The following STC2 variants were observed in gnomAD, a reference collection of about 807,000 sequenced individuals.
The protein encoded by STC2 is stanniocalcin 2, also known as stanniocalcin-2.
Under a neutral mutation model 22.7 loss-of-function variants are expected in STC2, and 7 were observed. The observed-to-expected ratio is 0.31, with a 90% confidence interval of 0.18 to 0.58. The LOEUF (loss-of-function observed/expected upper bound fraction) is 0.58, where lower values mean the gene tolerates loss of function less well. Among genes scored for constraint, STC2 ranks in the 20% least tolerant of loss-of-function variants. STC2 has a pLI of 0.89. For synonymous variants in STC2, 158 were observed against 163.4 expected (o/e 0.97, Z 0.25); for missense variants, 336 against 406.2 (o/e 0.83, Z 1.48).
Position 173,323,160 on chromosome 5 carries a change from A to G in STC2, c.506+59T>C, listed in dbSNP as rs1194231541. 2 of 1,561,096 alleles carry G rather than the reference A, an allele frequency of 1.3e-6. No homozygotes were observed. Among genetic ancestry groups the G allele is most frequent in the Admixed American group, 1.7e-5 (1 of 59,516 alleles). On this transcript the variant is annotated intron_variant, in intron 3 of 3. Coordinates refer to ENST00000265087, the MANE Select transcript of STC2 (RefSeq NM_003714.3). The surrounding 1 kb of genome is among the most constrained non-coding windows in gnomAD (Gnocchi z 5.4). ...AAGCAACGCGGCTCTCCTCCCATAC[A>G]CATTGCCATCCTTGCTGGGTGGCCC...
chr5:173,324,801 G>A (rs532524486), intron 2 of STC2, among the ~76,000 whole-genome samples: 23 of 152,262 alleles, frequency 1.5e-4, no homozygotes, highest in Non-Finnish European at 2.6e-4. Flanking sequence ...TCTTTCCTCC[G>A]GATTTCCTAT....
rs779752047 is a variant in STC2, at chr5:173,325,854, G to A, written c.294+14C>T. 1.2e-6 allele frequency: 2 copies of A among 1,614,094 alleles called. No individual in the cohort carries two copies. The highest frequency in any genetic ancestry group is 3.3e-5 in the Admixed American group (2 of 60,026). On this transcript the variant is annotated intron_variant, in intron 2 of 3. Coordinates refer to ENST00000265087, the MANE Select transcript of STC2 (RefSeq NM_003714.3). The surrounding 1 kb of genome is among the most constrained non-coding windows in gnomAD (Gnocchi z 4.7). ...TCACCCCAAACATTCTTCATGCTCT[G>A]GATGGATTTTTACCTGGGCATCAAA... is the stretch of plus-strand genomic sequence containing the variant.
rs900161700 is a variant in STC2 at position 173,316,924 on chromosome 5, G to T, written c.*923C>A. On this transcript the variant is annotated 3_prime_UTR_variant, in exon 4 of 4. Transcript: ENST00000265087. ...TTCCCCCAAGTGGGCAGGAGTCCAT[G>T]TCAGGCAGTCAGATGTATGGCTATG... 6.6e-6 allele frequency: 1 copy of T among 152,054 alleles called. No individual in the cohort carries two copies. Among genetic ancestry groups the T allele is most frequent in the Non-Finnish European group, 1.5e-5 (1 of 68,014 alleles). 9.4% of individuals were successfully genotyped at this position (152,054 alleles called of 1,614,324 possible). A position where few individuals can be genotyped will look rare whatever the true frequency, so the allele number is the denominator to read the frequency against.
At position 173,325,336 on chromosome 5, in the gene STC2, T is replaced by C. The variant is rs771536607; in HGVS notation, c.294+532A>G. On this transcript the variant is annotated intron_variant, in intron 2 of 3. Coordinates refer to ENST00000265087, the MANE Select transcript of STC2 (RefSeq NM_003714.3). The surrounding 1 kb of genome is among the most constrained non-coding windows in gnomAD (Gnocchi z 4.7). ...TCAGGCCCTGACTATATTTATCATA[T>C]AGAGCAAAAGGAAAGTGTGGAACTG... is the stretch of plus-strand genomic sequence containing the variant. 1.3e-5 allele frequency among the ~76,000 whole-genome samples: 2 copies of C among 152,182 alleles called. No homozygotes were observed. The highest frequency in any genetic ancestry group is 3.9e-4 in the East Asian group (2 of 5,192).
At chr5:173,320,011 T>C (rs1425016691) in intron 3 of STC2, among the ~76,000 whole-genome samples, 1 of 152,242 alleles carries the variant, frequency 6.6e-6, no homozygotes, top group Non-Finnish European at 1.5e-5. Flanking sequence ...CCTTCTATTT[T>C]TTGAAAACTA....
At position 173,315,648 on chromosome 5, in the gene STC2, C is replaced by T. The variant is rs754402456; in HGVS notation, c.*2199G>A. On this transcript the variant is annotated 3_prime_UTR_variant, in exon 4 of 4. Transcript: ENST00000265087. ...GACAAATGAACAGCTGACTCAGCAA[C>T]GCAGGAGAATGTTATTGCTTTAGCT... The T allele has an allele frequency of 9.9e-5, 15 of 152,256 alleles. No individual in the cohort carries two copies. The highest frequency in any genetic ancestry group is 1.9e-4 in the Non-Finnish European group (13 of 68,042). 9.4% of individuals were successfully genotyped at this position (152,256 alleles called of 1,614,324 possible).
intron 2 of STC2, among the ~76,000 whole-genome samples, chr5:173,324,789 C>T (rs1049236536): frequency 3.3e-5 from 5 of 152,212 alleles, no homozygotes; most frequent in African/African-American, 7.2e-5. Flanking sequence ...CTTAAATACA[C>T]GTCTTTCCTC....
At chr5:173,326,413 C>T (rs117569528) in intron 1 of STC2, among the ~76,000 whole-genome samples, 137 of 152,300 alleles carry the variant, frequency 9.0e-4, no homozygotes, top group East Asian at 4.8e-3. Context: ...CAATGAAGTA[C>T]CCTTCTCTAC....
Position 173,325,847 on chromosome 5 carries a change from A to G in STC2, c.294+21T>C, listed in dbSNP as rs1762539226. ...TGTATGCTCACCCCAAACATTCTTC[A>G]TGCTCTGGATGGATTTTTACCTGGG... On this transcript the variant is annotated intron_variant, in intron 2 of 3. Transcript: ENST00000265087. This position sits in a 1 kb window ranked among gnomAD's most constrained non-coding sequence, Gnocchi z 4.7. 1 of 1,613,960 alleles carries G rather than the reference A, an allele frequency of 6.2e-7. No individual in the cohort carries two copies.
Position 173,326,029 on chromosome 5 carries a change from AC to A in STC2, c.152-20del, listed in dbSNP as rs1339533715. ...ATCTCCGCTAAAAGGAAAATCACAT[AC>A]AAATATATACAAAACTCTAACCCAT... On this transcript the variant is annotated intron_variant, in intron 1 of 3. Transcript: ENST00000265087. The A allele has an allele frequency of 1.2e-6, 2 of 1,612,974 alleles. No individual in the cohort carries two copies. Among genetic ancestry groups the A allele is most frequent in the African/African-American group, 1.3e-5 (1 of 74,928 alleles).
intron 3 of STC2, 45 bp from the exon 4 acceptor site, chr5:173,318,294 GAGAGA>G: frequency 7.3e-7 from 1 of 1,370,534 alleles, no homozygotes; most frequent in East Asian, 2.5e-5. Flanking sequence ...GAGAGAGAGA[GAGAGA>G]GGCTGGGAAT....
rs184904427 is a variant in STC2, at chr5:173,327,674, G to A, written c.151+369C>T. 3.8e-3 allele frequency among the ~76,000 whole-genome samples: 579 copies of A among 152,350 alleles called. 11 individuals are homozygous for A. Among genetic ancestry groups the A allele is most frequent in the Non-Finnish European group, 1.9e-3 (127 of 68,016 alleles). ...GGCGCAGGGCGCAGCCCAGCTCCGG[G>A]GACCCTCTGGGCCTCCCGCGTGCCG... is the stretch of plus-strand genomic sequence containing the variant. On this transcript the variant is annotated intron_variant, in intron 1 of 3. Coordinates refer to ENST00000265087, the MANE Select transcript of STC2 (RefSeq NM_003714.3).
intron 3 of STC2, among the ~76,000 whole-genome samples, chr5:173,321,841 ATTG>A (rs896152999): frequency 3.8e-4 from 19 of 49,770 alleles, no homozygotes; most frequent in South Asian, 1.0e-3. Flanking sequence ...GACAGCTATC[ATTG>A]TTGTTGATGA....
In STC2 at chr5:173,325,158, G is replaced by A. The variant is rs1263270183; in HGVS notation, c.294+710C>T. ...TCAACAGGGCATATAAGTGGCCAGG[G>A]AGAACACGAAGAAGGTGAGTCTGAT... On this transcript the variant is annotated intron_variant, in intron 2 of 3. Coordinates refer to ENST00000265087, the MANE Select transcript of STC2 (RefSeq NM_003714.3). This position sits in a 1 kb window ranked among gnomAD's most constrained non-coding sequence, Gnocchi z 4.7. Among the ~76,000 whole-genome samples the A allele has an allele frequency of 6.6e-6, 1 of 152,214 alleles. No individual in the cohort carries two copies. Among genetic ancestry groups the A allele is most frequent in the Non-Finnish European group, 1.5e-5 (1 of 68,036 alleles).
intron 1 of STC2, among the ~76,000 whole-genome samples, chr5:173,326,352 T>C (rs1425195319): frequency 6.6e-6 from 1 of 152,228 alleles, no homozygotes; most frequent in Non-Finnish European, 1.5e-5. Flanking sequence ...TATTTCCGCT[T>C]TTTAAACCCA....
Position 173,328,293 on chromosome 5 carries a change from A to T in STC2, c.-100T>A. 1.6e-6 allele frequency: 2 copies of T among 1,252,978 alleles called. No individual in the cohort carries two copies. The highest frequency in any genetic ancestry group is 2.4e-5 in the South Asian group (1 of 41,624). The allele number at this position is 1,252,978 out of a possible 1,614,324, so 77.6% of individuals were successfully genotyped here. A position where few individuals can be genotyped will look rare whatever the true frequency, so the allele number is the denominator to read the frequency against. On this transcript the variant is annotated 5_prime_UTR_variant, in exon 1 of 4. Coordinates refer to ENST00000265087, the MANE Select transcript of STC2 (RefSeq NM_003714.3). Reference sequence around the variant, plus strand: ...CTTCGCCGCTTCCCCTCCTCCTCCCACTCTTCCTTTTTGCTCGCCTTTTCC... The same window carrying T: ...CTTCGCCGCTTCCCCTCCTCCTCCCTCTCTTCCTTTTTGCTCGCCTTTTCC...
At position 173,318,103 on chromosome 5, in the gene STC2, G is replaced by A. The variant is rs1482180710; in HGVS notation, c.653C>T (p.Pro218Leu). The A allele has an allele frequency of 3.1e-6, 5 of 1,608,452 alleles. No homozygotes were observed. The South Asian group carries it at 4.4e-5, about 14-fold the overall frequency. ...LSFCTSAIQK[P>L]PTAPPERQPQ... is the part of the protein sequence containing the mutation. ...CTGGCGCTCGGGGGGCGCCGTGGGA[G>A]GCTTCTGGATGGCCGAGGTGCAGAA... The change falls in exon 4 of 4, where the codon CCT becomes CTT. Residue 218 changes from proline (P) to leucine (L), a missense_variant. Coordinates refer to ENST00000265087, the MANE Select transcript of STC2 (RefSeq NM_003714.3).
At position 173,323,451 on chromosome 5, in the gene STC2, G is replaced by A. The variant is rs1277597521; in HGVS notation, c.295-21C>T. The A allele has an allele frequency of 3.1e-6, 5 of 1,587,330 alleles. No homozygotes were observed. In the South Asian group the frequency reaches 3.4e-5, roughly 11 times the overall value. On this transcript the variant is annotated intron_variant, in intron 2 of 3. Coordinates refer to ENST00000265087, the MANE Select transcript of STC2 (RefSeq NM_003714.3). This position sits in a 1 kb window ranked among gnomAD's most constrained non-coding sequence, Gnocchi z 5.4. ...TTGCCCTGAGAACACACAGGCCGGGGAAGGGAGAGAGGGGCAGAAAGCAGA... is the reference window on the plus strand; with the variant it reads ...TTGCCCTGAGAACACACAGGCCGGGAAAGGGAGAGAGGGGCAGAAAGCAGA...
rs4041247 is a variant in STC2, at chr5:173,318,266, AAGAG to A, written c.507-21_507-18del. On this transcript the variant is annotated intron_variant, in intron 3 of 3. Coordinates refer to ENST00000265087, the MANE Select transcript of STC2 (RefSeq NM_003714.3). ...ACGTAGGGTCTAAAGATTGAAAGCA[AAGAG>A]AGAGAGAGAGAGAGAGAGAGAGAGA... is the stretch of plus-strand genomic sequence containing the variant. The A allele has an allele frequency of 0.012, 14,578 of 1,214,612 alleles. 4 individuals are homozygous for A. The highest frequency in any genetic ancestry group is 0.041 in the East Asian group (1,294 of 31,526). 75.2% of individuals were successfully genotyped at this position (1,214,612 alleles called of 1,614,324 possible). A position where few individuals can be genotyped will look rare whatever the true frequency, so the allele number is the denominator to read the frequency against.
Sources: gnomAD v4.1 joint callset for allele counts (sites outside exome capture counted in the v4.1 genomes callset) on GRCh38, gnomAD v4.1.1 for gene constraint, Gnocchi (gnomAD v3.1) non-coding constraint, MANE v1.5 for transcripts, NCBI Gene and HGNC (gene_info 2026-07-23, HGNC 2026-07-21) for gene names.